The following PAX6 variants were observed in gnomAD, a reference collection of about 807,000 sequenced individuals.
PAX6 encodes the protein paired box 6, also known as paired box protein Pax-6.
A neutral mutation model predicts 60.7 loss-of-function variants in PAX6; 7 were observed. That is an observed-to-expected ratio of 0.12 (90% CI 0.07 to 0.22). The LOEUF (loss-of-function observed/expected upper bound fraction) is 0.22. PAX6 is among the 10% of genes least tolerant of loss of function. PAX6 has a pLI of 1.00. For synonymous variants in PAX6, 208 were observed against 201.2 expected (o/e 1.03, Z -0.29); for missense variants, 355 against 555.2 (o/e 0.64, Z 3.62).
chr11:31,796,840 T>C (rs992814457), intron 8 of PAX6, among the ~76,000 whole-genome samples: 13 of 152,110 alleles, frequency 8.5e-5, no homozygotes, highest in Non-Finnish European at 1.9e-4. Flanking sequence ...GAGCCCCATC[T>C]GGACTCTGGG....
chr11:31,804,901 G>A (rs756831325), intron 4 of PAX6: 14 of 152,458 alleles, frequency 9.2e-5, no homozygotes, highest in Non-Finnish European at 1.9e-4. Context: ...GAGACGCCAG[G>A]GCCAGAGCGC....
Position 31,789,874 on chromosome 11 carries a change from C to A in PAX6, c.*60G>T. Reference sequence around the variant, plus strand: ...TCCTGAAAGCTCAACTGTTGTGTCCCCATAGTCACTGACTGAATTAACACA... The same window carrying A: ...TCCTGAAAGCTCAACTGTTGTGTCCACATAGTCACTGACTGAATTAACACA... On this transcript the variant is annotated 3_prime_UTR_variant, in exon 14 of 14. Transcript: ENST00000640368. 1 of 1,436,706 alleles carries A rather than the reference C, an allele frequency of 7.0e-7. No homozygotes were observed. The highest frequency in any genetic ancestry group is 2.4e-5 in the East Asian group (1 of 40,934). The allele number at this position is 1,436,706 out of a possible 1,614,324, so 89.0% of individuals were successfully genotyped here.
At chr11:31,797,145 G>T (rs552191419) in intron 8 of PAX6, among the ~76,000 whole-genome samples, 1 of 152,220 alleles carries the variant, frequency 6.6e-6, no homozygotes, top group South Asian at 2.1e-4. Context: ...CTGGTATGGG[G>T]TGGGGGACAC....
chr11:31,815,086 C>A (rs1421708847), upstream of PAX6: 1 of 151,056 alleles, frequency 6.6e-6, no homozygotes, highest in Non-Finnish European at 1.5e-5. Context: ...TAACATTGTC[C>A]AGTGGAGTCT....
intron 4 of PAX6, chr11:31,803,309 C>T (rs943504226): frequency 3.5e-4 from 72 of 207,428 alleles, no homozygotes; most frequent in African/African-American, 1.6e-3. Context: ...CCCAAAGATC[C>T]CCTCTGAGTG....
chr11:31,806,479 A>G lies in PAX6; in HGVS notation c.-51-17T>C. The G allele has an allele frequency of 1.3e-6, 2 of 1,574,636 alleles. No homozygotes were observed. Among genetic ancestry groups the G allele is most frequent in the Admixed American group, 1.8e-5 (1 of 55,658 alleles). On this transcript the variant is annotated splice_polypyrimidine_tract_variant and intron_variant, in intron 3 of 13. Transcript: ENST00000640368. ...TATGGGGCTCTGTTAGCAAGAAAATAGGAGTTAATCCTCGGGCAGCTGCAT... is the reference window on the plus strand; with the variant it reads ...TATGGGGCTCTGTTAGCAAGAAAATGGGAGTTAATCCTCGGGCAGCTGCAT...
intron 3 of PAX6, 119 bp from the exon 4 acceptor site, chr11:31,806,581 A>G: frequency 1.3e-6 from 1 of 782,536 alleles, no homozygotes; most frequent in Non-Finnish European, 2.2e-6. Flanking sequence ...GAATTGATCC[A>G]CTCAACCTCT....
Position 31,789,164 on chromosome 11 carries a change from G to GA in PAX6, c.*769dup, listed in dbSNP as rs1210967882. 4.9e-6 allele frequency: 1 copy of GA among 204,732 alleles called. No individual in the cohort carries two copies. The highest frequency in any genetic ancestry group is 2.3e-5 in the African/African-American group (1 of 43,840). The allele number at this position is 204,732 out of a possible 1,614,324, so 12.7% of individuals were successfully genotyped here. On this transcript the variant is annotated 3_prime_UTR_variant, in exon 14 of 14. Transcript: ENST00000640368. ...CCAAAAAAGAAACGTATGATTGCAT[G>GA]AAAATGTGTATAAAACATCTATATT...
chr11:31,798,990 G>T (rs1952637238), intron 8 of PAX6, among the ~76,000 whole-genome samples: 1 of 152,228 alleles, frequency 6.6e-6, no homozygotes, highest in Admixed American at 6.5e-5. Flanking sequence ...CCAGGCCTAG[G>T]CCACCGTGCC....
At chr11:31,794,496 G>T in intron 9 of PAX6, 134 bp downstream of exon 9, 1 of 822,958 alleles carries the variant, frequency 1.2e-6, no homozygotes, top group Non-Finnish European at 2.0e-6. Flanking sequence ...GATGCCCAGA[G>T]AAATAAAAAG....
At chr11:31,793,995 G>A in intron 10 of PAX6, 37 bp downstream of exon 10, 1 of 1,402,950 alleles carries the variant, frequency 7.1e-7, no homozygotes, top group African/African-American at 1.4e-5. Flanking sequence ...CAAATGGTAT[G>A]AATCACAAAG....
Position 31,800,041 on chromosome 11 carries a change from G to A in PAX6, c.565+650C>T, listed in dbSNP as rs1953107608. On this transcript the variant is annotated intron_variant, in intron 8 of 13. Coordinates refer to ENST00000640368, the MANE Select transcript of PAX6 (RefSeq NM_001368894.2). ...GTCCCATCTCTCCTCCCAGACCAGA[G>A]CGGCTCCCGGCATCCCGCCGTCCTG... 2.0e-5 allele frequency among the ~76,000 whole-genome samples: 3 copies of A among 148,494 alleles called. No individual in the cohort carries two copies. In the South Asian group the frequency reaches 6.4e-4, roughly 32 times the overall value.
upstream of PAX6, chr11:31,814,344 T>C (rs1324332018): frequency 1.3e-5 from 2 of 152,200 alleles, no homozygotes; most frequent in Non-Finnish European, 2.9e-5. Flanking sequence ...CCCGCACCGA[T>C]CCCTGGCATT....
chr11:31,806,212 G>A (rs1955756417), intron 4 of PAX6, 190 bp downstream of exon 4: 1 of 566,466 alleles, frequency 1.8e-6, no homozygotes, highest in Non-Finnish European at 3.0e-6. Context: ...CCAGTATCGA[G>A]AAGAGCCAAG....
At chr11:31,816,704 C>CG (rs5790869) in intron 1 of PAX6, 697,092 of 697,102 alleles carry the variant, frequency 1, 348,541 homozygotes, top group Middle Eastern at 1. Context: ...GAGCAGGGGG[C>CG]GCCACCGCTC....
chr11:31,794,423 CACA>C (rs1950844048), intron 9 of PAX6: 5 of 3,164 alleles, frequency 1.6e-3, no homozygotes, highest in Admixed American at 0.01. Context: ...ACACACACCA[CACA>C]CACACACACA....
At chr11:31,806,372 C>A (rs748987208) in intron 4 of PAX6, 30 bp downstream of exon 4, 61 of 1,603,288 alleles carry the variant, frequency 3.8e-5, no homozygotes, top group Non-Finnish European at 5.2e-5. Flanking sequence ...ACCCCGAGCC[C>A]GAAGTCCCAG....
At chr11:31,802,577 C>A in intron 5 of PAX6, 127 bp downstream of exon 5, 1 of 816,960 alleles carries the variant, frequency 1.2e-6, no homozygotes, top group East Asian at 3.1e-5. Context: ...GGTGGGGGGA[C>A]TGGGGACTGG....
rs1045369254 is a variant in PAX6, at chr11:31,789,400, A to G, written c.*534T>C. 3 of 350,058 alleles carry G rather than the reference A, an allele frequency of 8.6e-6. No individual in the cohort carries two copies. The South Asian group carries it at 2.3e-4, about 27-fold the overall frequency. 21.7% of individuals were successfully genotyped at this position (350,058 alleles called of 1,614,324 possible). Reference sequence around the variant, plus strand: ...TCTGTTAACAACCTTTGGAAAACCAACAGATATTTCTGACATAAATCTAGT... The same window carrying G: ...TCTGTTAACAACCTTTGGAAAACCAGCAGATATTTCTGACATAAATCTAGT... On this transcript the variant is annotated 3_prime_UTR_variant, in exon 14 of 14. Coordinates refer to ENST00000640368, the MANE Select transcript of PAX6 (RefSeq NM_001368894.2).
Sources: gnomAD v4.1 joint callset for allele counts (sites outside exome capture counted in the v4.1 genomes callset) on GRCh38, gnomAD v4.1.1 for gene constraint, MANE v1.5 for transcripts, NCBI Gene and HGNC (gene_info 2026-07-23, HGNC 2026-07-21) for gene names.